The following PTPRO variants were observed in gnomAD, a reference collection of about 807,000 sequenced individuals.
The protein encoded by PTPRO is receptor-type tyrosine-protein phosphatase O.
Under a neutral mutation model 145.2 loss-of-function variants are expected in PTPRO, and 62 were observed. The observed-to-expected ratio is 0.43, with a 90% CI of 0.35 to 0.53. PTPRO has a LOEUF of 0.53. Among genes scored for constraint, PTPRO ranks in the 20% least tolerant of loss-of-function variants. The pLI is 0.01. For missense variants in PTPRO, 1,345 were observed against 1,482.7 expected, an observed-to-expected ratio of 0.91 and a Z score of 1.53; for synonymous variants, 565 against 514.7, an observed-to-expected ratio of 1.10 and a Z score of -1.32.
At chr12:15,409,946 C>G (rs942727650) in intron 1 of PTPRO, among the ~76,000 whole-genome samples, 17 of 152,124 alleles carry the variant, frequency 1.1e-4, no homozygotes, top group African/African-American at 4.1e-4. Flanking sequence ...AACACAGATG[C>G]AAACTATGTC....
chr12:15,441,230 G>A (rs1940756206), intron 1 of PTPRO, among the ~76,000 whole-genome samples: 1 of 150,196 alleles, frequency 6.7e-6, no homozygotes, highest in Non-Finnish European at 1.5e-5. Context: ...TACATGGAAA[G>A]TAAATAATTT....
intron 1 of PTPRO, among the ~76,000 whole-genome samples, chr12:15,455,855 T>C (rs1348683063): frequency 2.0e-5 from 3 of 152,292 alleles, no homozygotes; most frequent in Non-Finnish European, 2.9e-5. Context: ...TGTTTCTTTT[T>C]CTTGCCTAAT....
chr12:15,400,590 C>A (rs1939465268), intron 1 of PTPRO, among the ~76,000 whole-genome samples: 1 of 152,240 alleles, frequency 6.6e-6, no homozygotes, highest in African/African-American at 2.4e-5. Context: ...ACTCCTCCAA[C>A]TGAGGCACCT....
At chr12:15,362,726 G>T (rs1938247628) in intron 1 of PTPRO, among the ~76,000 whole-genome samples, 1 of 152,006 alleles carries the variant, frequency 6.6e-6, no homozygotes, top group Non-Finnish European at 1.5e-5. Context: ...TCTCCAAGTG[G>T]CTTGAAGTGT....
intron 1 of PTPRO, among the ~76,000 whole-genome samples, chr12:15,419,272 A>AG (rs1368336357): frequency 9.6e-5 from 6 of 62,510 alleles, no homozygotes; most frequent in South Asian, 5.1e-4. Context: ...GGGGCGGGGG[A>AG]GGGGGGCTAA....
intron 19 of PTPRO, among the ~76,000 whole-genome samples, chr12:15,575,765 AG>A (rs1367051628): frequency 2.0e-5 from 3 of 152,224 alleles, no homozygotes; most frequent in Non-Finnish European, 4.4e-5. Context: ...AGGTGTCAGC[AG>A]GGCCACACTC....
chr12:15,433,292 C>T (rs1472316183), intron 1 of PTPRO, among the ~76,000 whole-genome samples: 2 of 151,726 alleles, frequency 1.3e-5, no homozygotes, highest in Non-Finnish European at 2.9e-5. Flanking sequence ...TCTCCTGCCT[C>T]AGCCTCCTGA....
Position 15,518,050 on chromosome 12 carries a change from G to T in PTPRO, c.1779+1094G>T, listed in dbSNP as rs566914036. On this transcript the variant is annotated intron_variant, in intron 9 of 26. Transcript: ENST00000281171. ...TACATTGCCTAGCAGAGGGCATGAG[G>T]TCCCTGCCCTGCTGCAGCAAACTTT... Among the ~76,000 whole-genome samples the T allele has an allele frequency of 7.9e-5, 12 of 152,336 alleles. No homozygotes were observed. In the East Asian group the frequency reaches 2.3e-3, roughly 29 times the overall value.
At chr12:15,337,195 C>T (rs1241042365) in intron 1 of PTPRO, among the ~76,000 whole-genome samples, 3 of 152,070 alleles carry the variant, frequency 2.0e-5, no homozygotes, top group African/African-American at 7.3e-5. Flanking sequence ...TTCAGCAAGA[C>T]TATCATTCAT....
At chr12:15,416,348 C>T (rs1228610133) in intron 1 of PTPRO, among the ~76,000 whole-genome samples, 2 of 144,354 alleles carry the variant, frequency 1.4e-5, no homozygotes, top group Non-Finnish European at 3.0e-5. Flanking sequence ...GAGACAGAGT[C>T]TCGCTCTGTC....
At chr12:15,568,850 C>T (rs1283245048) in intron 18 of PTPRO, among the ~76,000 whole-genome samples, 1 of 152,222 alleles carries the variant, frequency 6.6e-6, no homozygotes, top group Non-Finnish European at 1.5e-5. Context: ...TTTCATCCCA[C>T]TGATCCTGCC....
intron 1 of PTPRO, among the ~76,000 whole-genome samples, chr12:15,482,261 C>A (rs1418260077): frequency 6.6e-6 from 1 of 151,804 alleles, no homozygotes; most frequent in African/African-American, 2.4e-5. Flanking sequence ...ACCTGAAGGA[C>A]ATTATATCAA....
At chr12:15,538,326 G>A (rs1943108538) in intron 12 of PTPRO, among the ~76,000 whole-genome samples, 1 of 151,994 alleles carries the variant, frequency 6.6e-6, no homozygotes, top group East Asian at 1.9e-4. Flanking sequence ...CCAGGTTCAA[G>A]CGATTCTCCT....
chr12:15,371,000 T>C, intron 1 of PTPRO, among the ~76,000 whole-genome samples: 1 of 152,138 alleles, frequency 6.6e-6, no homozygotes, highest in Non-Finnish European at 1.5e-5. Context: ...CATAATGTAT[T>C]GCTAAACAAA....
chr12:15,436,045 G>A (rs887057518), intron 1 of PTPRO, among the ~76,000 whole-genome samples: 1 of 152,202 alleles, frequency 6.6e-6, no homozygotes, highest in Admixed American at 6.5e-5. Context: ...ATAACGAAAT[G>A]AAGGCAGAAA....
At chr12:15,520,404 C>T in intron 10 of PTPRO, 92 bp downstream of exon 10, 1 of 873,468 alleles carries the variant, frequency 1.1e-6, no homozygotes, top group Non-Finnish European at 2.0e-6. Context: ...GCCAGTCATT[C>T]ACCCAGCACT....
chr12:15,581,909 C>G, intron 23 of PTPRO, 108 bp downstream of exon 23: 2 of 1,427,852 alleles, frequency 1.4e-6, no homozygotes, highest in South Asian at 1.2e-5. Flanking sequence ...TACAGACACA[C>G]ACACAAAAAT....
At chr12:15,581,942 A>T in intron 23 of PTPRO, 141 bp downstream of exon 23, 1 of 1,153,548 alleles carries the variant, frequency 8.7e-7, no homozygotes, top group Non-Finnish European at 1.3e-6. Context: ...GTGGGAAATC[A>T]GGGGTCTCAC....
Position 15,581,808 on chromosome 12 carries a change from C to T in PTPRO, c.3255+7C>T, listed in dbSNP as rs770933565. The T allele has an allele frequency of 6.8e-6, 11 of 1,613,508 alleles. No homozygotes were observed. Among genetic ancestry groups the T allele is most frequent in the Admixed American group, 1.7e-5 (1 of 59,984 alleles). On this transcript the variant is annotated splice_region_variant and intron_variant, in intron 23 of 26. Transcript: ENST00000281171. ...ACACTTCCGGATCAACTATGTAAGT[C>T]ACCAGGCAGAGAGCAGGTGCTGTCC...
Sources: allele counts gnomAD v4.1 joint callset (sites outside exome capture counted in the v4.1 genomes callset), GRCh38; gene constraint gnomAD v4.1.1; transcripts MANE v1.5; gene names NCBI Gene and HGNC (gene_info 2026-07-23, HGNC 2026-07-21).